AGBL1: variants seen among roughly 807,000 people sequenced by gnomAD.
AGBL1 encodes the protein AGBL carboxypeptidase 1, also known as cytosolic carboxypeptidase 4.
AGBL1 carries 130 observed loss-of-function variants against 118.9 expected under a neutral mutation model. The observed-to-expected ratio is 1.09, with a 90% CI of 0.95 to 1.26. The LOEUF is 1.26. Ranked by LOEUF, AGBL1 falls within the 50% of genes most tolerant of loss-of-function variation. The pLI is 0.00. For synonymous variants in AGBL1, 555 were observed against 478.9 expected (o/e 1.16, Z -2.08); for missense variants, 1,584 against 1,298.1 (o/e 1.22, Z -3.38).
intron 18 of AGBL1, among the ~76,000 whole-genome samples, chr15:86,421,835 A>G (rs536530877): frequency 6.6e-6 from 1 of 152,344 alleles, no homozygotes; most frequent in East Asian, 1.9e-4. Context: ...AAACCAACAA[A>G]GATTTAAAAA....
intron 1 of AGBL1, among the ~76,000 whole-genome samples, chr15:86,098,283 T>C (rs1228040569): frequency 1.3e-5 from 2 of 152,202 alleles, no homozygotes; most frequent in East Asian, 3.8e-4. Context: ...CTGTTGATTG[T>C]TTCCTCTTCT....
At chr15:86,835,598 GGAA>G (rs2079160161) in intron 22 of AGBL1, among the ~76,000 whole-genome samples, 1 of 151,988 alleles carries the variant, frequency 6.6e-6, no homozygotes, top group Non-Finnish European at 1.5e-5. Context: ...GAGAGAGAGA[GGAA>G]GAAGTAGAAG....
chr15:86,820,803 C>A (rs2078931297), intron 22 of AGBL1, among the ~76,000 whole-genome samples: 1 of 152,032 alleles, frequency 6.6e-6, no homozygotes, highest in Non-Finnish European at 1.5e-5. Context: ...TCAGAAATAC[C>A]ATTTGACCCA....
chr15:86,926,038 G>A (rs1692073316), intron 23 of AGBL1, among the ~76,000 whole-genome samples: 1 of 152,140 alleles, frequency 6.6e-6, no homozygotes. Context: ...ATCAGGGAAA[G>A]CAGGAGAACA....
chr15:86,190,607 C>G (rs1341252905), intron 5 of AGBL1, among the ~76,000 whole-genome samples: 3 of 152,200 alleles, frequency 2.0e-5, no homozygotes, highest in Admixed American at 6.5e-5. Flanking sequence ...CCCTCCTCCT[C>G]TTCCTATAGA....
At chr15:86,317,996 G>A (rs528159970) in intron 17 of AGBL1, among the ~76,000 whole-genome samples, 1 of 152,250 alleles carries the variant, frequency 6.6e-6, no homozygotes, top group East Asian at 1.9e-4. Flanking sequence ...AGAATAGGTG[G>A]GTACTGAGTC....
intron 18 of AGBL1, among the ~76,000 whole-genome samples, chr15:86,429,579 C>G (rs1245794935): frequency 6.6e-6 from 1 of 152,200 alleles, no homozygotes; most frequent in African/African-American, 2.4e-5. Context: ...GGGACCGTAA[C>G]TTCAATTCAT....
At chr15:86,883,396 A>G (rs2079923504) in intron 22 of AGBL1, among the ~76,000 whole-genome samples, 1 of 152,210 alleles carries the variant, frequency 6.6e-6, no homozygotes, top group Non-Finnish European at 1.5e-5. Context: ...TTCGCTGTGC[A>G]CACTATGGTC....
chr15:86,200,670 G>T (rs1274739726), intron 5 of AGBL1, among the ~76,000 whole-genome samples: 7 of 149,734 alleles, frequency 4.7e-5, no homozygotes, highest in Admixed American at 4.0e-4. Context: ...AGGCTGGAGT[G>T]CAATGGCGCG....
At chr15:86,945,998 C>A (rs141980155) in intron 23 of AGBL1, among the ~76,000 whole-genome samples, 3 of 152,190 alleles carry the variant, frequency 2.0e-5, no homozygotes, top group African/African-American at 4.8e-5. Flanking sequence ...TTATAATTCT[C>A]ATTTTACAGT....
intron 1 of AGBL1, among the ~76,000 whole-genome samples, chr15:86,117,638 G>A (rs758963138): frequency 8.5e-5 from 13 of 152,184 alleles, no homozygotes; most frequent in Non-Finnish European, 1.3e-4. Flanking sequence ...AACACTTCAC[G>A]TGTGCACAAG....
At chr15:86,798,845 TGTC>T (rs1462528100) in intron 22 of AGBL1, among the ~76,000 whole-genome samples, 1 of 151,038 alleles carries the variant, frequency 6.6e-6, no homozygotes, top group Non-Finnish European at 1.5e-5. Flanking sequence ...TTTTTGTTGT[TGTC>T]GTTTGTCCGT....
chr15:86,396,235 GTGTGTGTGTA>G (rs1291799922), intron 17 of AGBL1, among the ~76,000 whole-genome samples: 1 of 128,020 alleles, frequency 7.8e-6, no homozygotes, highest in East Asian at 3.7e-4. Flanking sequence ...ATGTGTGTGT[GTGTGTGTGTA>G]TATATATATA....
chr15:86,345,202 G>GAA (rs1370780268), intron 17 of AGBL1, among the ~76,000 whole-genome samples: 1 of 150,676 alleles, frequency 6.6e-6, no homozygotes, highest in African/African-American at 2.5e-5. Flanking sequence ...GAGAGAGAGA[G>GAA]AACATTTAGA....
chr15:86,824,627 A>C (rs952979249), intron 22 of AGBL1, among the ~76,000 whole-genome samples: 2 of 152,192 alleles, frequency 1.3e-5, no homozygotes, highest in African/African-American at 4.8e-5. Flanking sequence ...AGAGTAGCTA[A>C]AACAATTTTG....
At chr15:86,595,138 C>T (rs2084388154) in intron 21 of AGBL1, among the ~76,000 whole-genome samples, 3 of 152,164 alleles carry the variant, frequency 2.0e-5, no homozygotes, top group African/African-American at 7.2e-5. Flanking sequence ...TGCCGTGAAG[C>T]TCTGTTCTTG....
chr15:86,287,350 T>C (rs1388321913), intron 16 of AGBL1, among the ~76,000 whole-genome samples: 2 of 152,180 alleles, frequency 1.3e-5, no homozygotes, highest in Non-Finnish European at 2.9e-5. Flanking sequence ...AGATGCCTTT[T>C]AGTTTGGTGG....
intron 23 of AGBL1, among the ~76,000 whole-genome samples, chr15:86,971,076 T>C (rs1421708057): frequency 6.6e-6 from 1 of 151,984 alleles, no homozygotes; most frequent in African/African-American, 2.4e-5. Flanking sequence ...CTGCAGTGGT[T>C]CTGGAACAAA....
At chr15:86,772,840 A>G (rs1197141715) in intron 22 of AGBL1, among the ~76,000 whole-genome samples, 1 of 152,072 alleles carries the variant, frequency 6.6e-6, no homozygotes, top group Non-Finnish European at 1.5e-5. Flanking sequence ...CATGCATGCT[A>G]TTGCTGACCT....
Sources: gnomAD v4.1 joint callset for allele counts (sites outside exome capture counted in the v4.1 genomes callset) on GRCh38, gnomAD v4.1.1 for gene constraint, MANE v1.5 for transcripts, NCBI Gene and HGNC (gene_info 2026-07-23, HGNC 2026-07-21) for gene names.